The following ANKRD18B variants were observed in gnomAD, a reference collection of about 807,000 sequenced individuals.
The protein encoded by ANKRD18B is ankyrin repeat domain-containing protein 18B.
Under a neutral mutation model 111.8 loss-of-function variants are expected in ANKRD18B, and 75 were observed. The observed-to-expected ratio is 0.67, with a 90% confidence interval of 0.56 to 0.81. ANKRD18B has a LOEUF of 0.81. Among genes scored for constraint, ANKRD18B ranks in the 40% least tolerant of loss-of-function variants. The pLI is 0.00. For synonymous variants in ANKRD18B, 356 were observed against 417.3 expected, an observed-to-expected ratio of 0.85 and a Z score of 1.79; for missense variants, 1,038 against 1,225.5, an observed-to-expected ratio of 0.85 and a Z score of 2.28.
At chr9:33,537,377 AT>A in intron 6 of ANKRD18B, among the ~76,000 whole-genome samples, 1 of 152,214 alleles carries the variant, frequency 6.6e-6, no homozygotes, top group East Asian at 1.9e-4. Context: ...ATATAAATTA[AT>A]TTTTTAAATT....
At position 33,568,797 on chromosome 9, in the gene ANKRD18B, T is replaced by A; in HGVS notation, c.3081T>A (p.Ser1027Arg). Reference sequence around the variant, plus strand: ...TACCTTGTGTTGAAAATCTTAATAGTATAGAACTCAACAGAAAATATATTC... The same window carrying A: ...TACCTTGTGTTGAAAATCTTAATAGAATAGAACTCAACAGAAAATATATTC... ...PELPCVENLN[S>R]IELNRKYIPK... is the part of the protein sequence containing the mutation. Residue 1027 changes from serine (S) to arginine (R), a missense_variant, in exon 17 of 19, where the codon AGT becomes AGA. Physicochemically the swap from Ser to Arg is moderately radical, Grantham distance 110. This residue lies in a region of ANKRD18B where 524 missense variants were observed against 677.9 expected (regional missense o/e 0.77). Transcript: ENST00000684830. 1 of 1,551,394 alleles carries A rather than the reference T, an allele frequency of 6.4e-7. No individual in the cohort carries two copies. The highest frequency in any genetic ancestry group is 8.7e-7 in the Non-Finnish European group (1 of 1,146,764).
At chr9:33,562,758 T>A (rs988527772) in intron 14 of ANKRD18B, among the ~76,000 whole-genome samples, 1 of 152,220 alleles carries the variant, frequency 6.6e-6, no homozygotes, top group Admixed American at 6.5e-5. Context: ...AAGTATGCTG[T>A]GTTTATTTTA....
downstream of ANKRD18B, among the ~76,000 whole-genome samples, chr9:33,574,809 G>A (rs555771932): frequency 3.3e-5 from 5 of 152,324 alleles, no homozygotes; most frequent in East Asian, 9.6e-4. Context: ...AGGGGATAGA[G>A]GACACTGACT....
intron 14 of ANKRD18B, among the ~76,000 whole-genome samples, chr9:33,562,653 T>C (rs879018898): frequency 2.0e-5 from 3 of 152,238 alleles, no homozygotes; most frequent in Admixed American, 6.5e-5. Flanking sequence ...AGAAGCATTG[T>C]GGTATAATAC....
chr9:33,567,851 T>A (rs1224172870), intron 16 of ANKRD18B, among the ~76,000 whole-genome samples: 1 of 152,220 alleles, frequency 6.6e-6, no homozygotes, highest in African/African-American at 2.4e-5. Context: ...CATAAAGGCA[T>A]CCTTGTGAAA....
At chr9:33,530,393 C>A (rs1828094333) in intron 3 of ANKRD18B, among the ~76,000 whole-genome samples, 1 of 151,986 alleles carries the variant, frequency 6.6e-6, no homozygotes, top group South Asian at 2.1e-4. Context: ...ATTGCTTGAG[C>A]CTAGGAGTTT....
intron 10 of ANKRD18B, among the ~76,000 whole-genome samples, chr9:33,545,850 C>A (rs1285288551): frequency 6.6e-6 from 1 of 152,172 alleles, no homozygotes; most frequent in East Asian, 1.9e-4. Context: ...GTTTTCTACT[C>A]AAGAAAATCT....
At chr9:33,542,377 CT>C (rs34380811) in intron 9 of ANKRD18B, among the ~76,000 whole-genome samples, 84 of 137,276 alleles carry the variant, frequency 6.1e-4, no homozygotes, top group Middle Eastern at 3.8e-3. Flanking sequence ...GCCTTTTTTC[CT>C]TTTTTTTTTT....
Position 33,536,862 on chromosome 9 carries a change from C to T in ANKRD18B, c.741-16C>T. Reference sequence around the variant, plus strand: ...CACTATTAAAATACTAATTTTATTACATTTATTATGCATAGCATCCAACAA... The same window carrying T: ...CACTATTAAAATACTAATTTTATTATATTTATTATGCATAGCATCCAACAA... On this transcript the variant is annotated splice_polypyrimidine_tract_variant and intron_variant, in intron 5 of 18. Transcript: ENST00000684830. The T allele has an allele frequency of 1.5e-6, 2 of 1,377,380 alleles. No homozygotes were observed. Among genetic ancestry groups the T allele is most frequent in the Non-Finnish European group, 1.9e-6 (2 of 1,026,414 alleles). The allele number at this position is 1,377,380 out of a possible 1,614,324, so 85.3% of individuals were successfully genotyped here.
Position 33,524,276 on chromosome 9 carries a change from G to T in ANKRD18B, c.-214G>T. 8.0e-7 allele frequency: 1 copy of T among 1,257,222 alleles called. No individual in the cohort carries two copies. Among genetic ancestry groups the T allele is most frequent in the South Asian group, 2.2e-5 (1 of 46,488 alleles). The allele number at this position is 1,257,222 out of a possible 1,614,324, so 77.9% of individuals were successfully genotyped here. A position where few individuals can be genotyped will look rare whatever the true frequency, so the allele number is the denominator to read the frequency against. On this transcript the variant is annotated 5_prime_UTR_variant, in exon 1 of 19. Coordinates refer to ENST00000684830, the MANE Select transcript of ANKRD18B (RefSeq NM_001393611.1). ...ACTGGGCTCACTCTATCGAGAGGTC[G>T]GAGGCTGCGAGTGTCGCTGCTGAAG...
At chr9:33,561,748 T>A (rs1001034420) in intron 14 of ANKRD18B, among the ~76,000 whole-genome samples, 1 of 152,356 alleles carries the variant, frequency 6.6e-6, no homozygotes, top group Middle Eastern at 3.4e-3. Context: ...GTTGTTCCAA[T>A]ATCATTTATT....
At chr9:33,551,145 T>G (rs1828440082) in intron 12 of ANKRD18B, among the ~76,000 whole-genome samples, 2 of 152,352 alleles carry the variant, frequency 1.3e-5, no homozygotes, top group African/African-American at 4.8e-5. Context: ...TGTAATGGCG[T>G]AGAAATACTC....
At chr9:33,558,798 G>T (rs574483165) in intron 14 of ANKRD18B, among the ~76,000 whole-genome samples, 4 of 152,234 alleles carry the variant, frequency 2.6e-5, no homozygotes, top group South Asian at 2.1e-4. Flanking sequence ...ATCTAAGGAG[G>T]TTGATTCTGA....
Position 33,529,362 on chromosome 9 carries a change from A to G in ANKRD18B, c.495+189A>G, listed in dbSNP as rs373835153. ...TTAGAGGGCACAGCTATTTTAGTGC[A>G]CTTATGGGAAGTATTTGTGAATTTG... On this transcript the variant is annotated intron_variant, in intron 3 of 18. Coordinates refer to ENST00000684830, the MANE Select transcript of ANKRD18B (RefSeq NM_001393611.1). Among the ~76,000 whole-genome samples the G allele has an allele frequency of 7.9e-5, 12 of 152,356 alleles. 1 individual carries two copies. The South Asian group carries it at 2.5e-3, about 32-fold the overall frequency.
At position 33,524,486 on chromosome 9, in the gene ANKRD18B, C is replaced by G; in HGVS notation, c.-4C>G. 6.5e-7 allele frequency: 1 copy of G among 1,543,224 alleles called. No individual in the cohort carries two copies. On this transcript the variant is annotated 5_prime_UTR_variant, in exon 1 of 19. Coordinates refer to ENST00000684830, the MANE Select transcript of ANKRD18B (RefSeq NM_001393611.1). ...GGGTGGTGGGCATCTGAGAAGTCGC[C>G]ACCATGAGGAAGCTCCTCAGTTTTG...
At chr9:33,551,814 G>A (rs942936969) in intron 12 of ANKRD18B, among the ~76,000 whole-genome samples, 3 of 152,302 alleles carry the variant, frequency 2.0e-5, no homozygotes, top group Admixed American at 6.5e-5. Flanking sequence ...TTTTACCCAT[G>A]CTGTCCTTCC....
At chr9:33,569,156 T>C (rs1461284385) in intron 17 of ANKRD18B, 1 of 311,186 alleles carries the variant, frequency 3.2e-6, no homozygotes, top group East Asian at 6.1e-5. Flanking sequence ...AAAGCTGCAT[T>C]TGTTAGGTTT....
At chr9:33,528,488 G>A in intron 1 of ANKRD18B, 2 of 429,236 alleles carry the variant, frequency 4.7e-6, no homozygotes, top group Non-Finnish European at 8.2e-6. Flanking sequence ...CGAGTTCAAA[G>A]TAGAACTCAA....
chr9:33,539,995 C>T (rs1350770367), intron 7 of ANKRD18B, 83 bp from the exon 8 acceptor site: 1 of 151,348 alleles, frequency 6.6e-6, no homozygotes, highest in African/African-American at 2.4e-5. Flanking sequence ...TGCTTTTCTT[C>T]ACATGTGTCT....
Sources: gnomAD v4.1 joint callset for allele counts (sites outside exome capture counted in the v4.1 genomes callset) on GRCh38, gnomAD v4.1.1 for gene constraint, gnomAD v4.1.1 regional missense constraint, MANE v1.5 for transcripts, NCBI Gene and HGNC (gene_info 2026-07-23, HGNC 2026-07-21) for gene names.